The following RXRG variants were observed in gnomAD, a reference collection of about 807,000 sequenced individuals.
RXRG encodes the protein retinoic acid receptor RXR-gamma.
RXRG carries 19 observed loss-of-function variants against 49.2 expected under a neutral mutation model. The observed-to-expected ratio is 0.39, with a 90% CI of 0.27 to 0.57. The LOEUF (loss-of-function observed/expected upper bound fraction) is 0.57, where lower values mean the gene tolerates loss of function less well. RXRG is among the 20% of genes least tolerant of loss of function. The pLI is 0.64. For synonymous variants in RXRG, 224 were observed against 216.6 expected (o/e 1.03, Z -0.30); for missense variants, 452 against 592.5 (o/e 0.76, Z 2.46).
intron 1 of RXRG, among the ~76,000 whole-genome samples, chr1:165,430,003 C>A (rs1658620569): frequency 6.6e-6 from 1 of 152,132 alleles, no homozygotes; most frequent in South Asian, 2.1e-4. Context: ...GGGCACCCCA[C>A]CGTGGATCCC....
chr1:165,435,562 A>G (rs997532607), intron 1 of RXRG, among the ~76,000 whole-genome samples: 3 of 152,202 alleles, frequency 2.0e-5, no homozygotes, highest in Non-Finnish European at 4.4e-5. Context: ...AGCCCAGATA[A>G]GCCCCAAATG....
intron 7 of RXRG, 150 bp downstream of exon 7, chr1:165,409,408 A>T: frequency 1.1e-6 from 1 of 895,866 alleles, no homozygotes; most frequent in Non-Finnish European, 1.5e-6. Context: ...ATGTGTAGCT[A>T]ACTGTTTGGG....
intron 6 of RXRG, 61 bp from the exon 7 acceptor site, chr1:165,409,751 T>C (rs1657882189): frequency 7.3e-7 from 1 of 1,367,020 alleles, no homozygotes; most frequent in African/African-American, 1.5e-5. Context: ...TTACTTATAA[T>C]CACCCAAGGC....
At chr1:165,419,789 T>C (rs929953585) in intron 3 of RXRG, 81 bp downstream of exon 3, 3 of 1,285,960 alleles carry the variant, frequency 2.3e-6, no homozygotes, top group African/African-American at 1.5e-5. Context: ...TTTCCTTTCA[T>C]TGAGTACAAA....
rs992632761 is a variant in RXRG at position 165,400,927 on chromosome 1, A to G, written c.*336T>C. On this transcript the variant is annotated 3_prime_UTR_variant, in exon 10 of 10. Transcript: ENST00000359842. ...CACACCCCATGCTCCAGCAGTGCCA[A>G]TTTCACACATATTATTTTATTACTC... is the stretch of plus-strand genomic sequence containing the variant. 4 of 215,114 alleles carry G rather than the reference A, an allele frequency of 1.9e-5. No homozygotes were observed. In the South Asian group the frequency reaches 2.6e-4, roughly 14 times the overall value. 13.3% of individuals were successfully genotyped at this position (215,114 alleles called of 1,614,324 possible). A position where few individuals can be genotyped will look rare whatever the true frequency, so the allele number is the denominator to read the frequency against.
At chr1:165,406,353 T>A (rs1407804071) in intron 9 of RXRG, among the ~76,000 whole-genome samples, 1 of 152,156 alleles carries the variant, frequency 6.6e-6, no homozygotes, top group African/African-American at 2.4e-5. Flanking sequence ...TCCTACTGCA[T>A]GGGGGTTTCT....
intron 7 of RXRG, among the ~76,000 whole-genome samples, chr1:165,408,811 A>G (rs781562633): frequency 2.6e-5 from 4 of 152,222 alleles, no homozygotes; most frequent in South Asian, 4.1e-4. Context: ...GGGAAGTAAT[A>G]GATACAGCTC....
intron 9 of RXRG, among the ~76,000 whole-genome samples, chr1:165,405,940 T>G (rs978398160): frequency 2.0e-5 from 3 of 152,208 alleles, no homozygotes; most frequent in African/African-American, 7.2e-5. Flanking sequence ...GATATTAGAC[T>G]TCACAGAGGA....
rs74121137 is a variant in RXRG at position 165,404,312 on chromosome 1, G to C, written c.1244+2500C>G. Among the ~76,000 whole-genome samples, 12 of 152,306 alleles carry C rather than the reference G, an allele frequency of 7.9e-5. No homozygotes were observed. The Middle Eastern group carries it at 0.01, about 130-fold the overall frequency. ...ATGCAGGGGACTCTGCCACCTCCTT[G>C]CAGTTCTAAGTTCTGCCCTAGTCCT... On this transcript the variant is annotated intron_variant, in intron 9 of 9. Coordinates refer to ENST00000359842, the MANE Select transcript of RXRG (RefSeq NM_006917.5).
In RXRG at chr1:165,428,984, T is replaced by C. The variant is rs1658584020; in HGVS notation, c.50-18A>G. 6.2e-7 allele frequency: 1 copy of C among 1,606,924 alleles called. No individual in the cohort carries two copies. The highest frequency in any genetic ancestry group is 8.5e-7 in the Non-Finnish European group (1 of 1,176,550). ...AGGGGAGCCTGTAAGAAGAAGAATA[T>C]AGATGGTGGGAGGTTGGGGAACATG... On this transcript the variant is annotated intron_variant, in intron 1 of 9. Coordinates refer to ENST00000359842, the MANE Select transcript of RXRG (RefSeq NM_006917.5).
At chr1:165,435,018 A>G (rs184847753) in intron 1 of RXRG, among the ~76,000 whole-genome samples, 5 of 152,304 alleles carry the variant, frequency 3.3e-5, no homozygotes, top group African/African-American at 1.2e-4. Context: ...CACTTTATAC[A>G]TGTTGAGCAT....
At chr1:165,428,569 G>T in intron 2 of RXRG, 150 bp downstream of exon 2, 1 of 848,176 alleles carries the variant, frequency 1.2e-6, no homozygotes, top group Non-Finnish European at 1.8e-6. Context: ...ATGCAATGAA[G>T]GCCCTGCCTG....
chr1:165,414,468 G>T (rs1057287465), intron 4 of RXRG, among the ~76,000 whole-genome samples: 12 of 152,172 alleles, frequency 7.9e-5, no homozygotes, highest in Non-Finnish European at 1.3e-4. Context: ...TTCAGAGATG[G>T]ATTAGAATAA....
At chr1:165,443,971 C>T (rs965224624) in intron 1 of RXRG, among the ~76,000 whole-genome samples, 2 of 152,216 alleles carry the variant, frequency 1.3e-5, no homozygotes, top group African/African-American at 2.4e-5. Flanking sequence ...GCCAGTTGGT[C>T]AGCTGTTGCT....
At chr1:165,418,176 A>G (rs984271344) in intron 3 of RXRG, among the ~76,000 whole-genome samples, 1 of 150,258 alleles carries the variant, frequency 6.7e-6, no homozygotes, top group Non-Finnish European at 1.5e-5. Context: ...TTTGTTGCAT[A>G]TTTCATTGCC....
chr1:165,433,445 G>A (rs896292274), intron 1 of RXRG, among the ~76,000 whole-genome samples: 7 of 152,072 alleles, frequency 4.6e-5, no homozygotes, highest in African/African-American at 1.4e-4. Context: ...TGATCTTCCA[G>A]GCACCTATGC....
intron 2 of RXRG, chr1:165,424,831 A>G: frequency 3.0e-6 from 3 of 985,492 alleles, no homozygotes; most frequent in Non-Finnish European, 2.4e-6. Flanking sequence ...GGCAGGATGC[A>G]TAGGAATAAT....
At chr1:165,434,536 G>A (rs1398826735) in intron 1 of RXRG, among the ~76,000 whole-genome samples, 1 of 152,212 alleles carries the variant, frequency 6.6e-6, no homozygotes, top group Non-Finnish European at 1.5e-5. Flanking sequence ...TCTCCCATTA[G>A]CAACCCTCTT....
At chr1:165,416,641 G>A (rs749811354) in intron 4 of RXRG, among the ~76,000 whole-genome samples, 28 of 152,168 alleles carry the variant, frequency 1.8e-4, no homozygotes, top group Non-Finnish European at 3.7e-4. Flanking sequence ...TCAGTCTGAC[G>A]ATCCATTGGT....
Sources: gnomAD v4.1 joint callset for allele counts (sites outside exome capture counted in the v4.1 genomes callset) on GRCh38, gnomAD v4.1.1 for gene constraint, MANE v1.5 for transcripts, NCBI Gene and HGNC (gene_info 2026-07-23, HGNC 2026-07-21) for gene names.